The following LAMA3 variants were observed in gnomAD, a reference collection of about 807,000 sequenced individuals.
LAMA3 encodes the protein laminin subunit alpha-3.
LAMA3 carries 281 observed loss-of-function variants against 402.0 expected under a neutral mutation model. That is an observed-to-expected ratio of 0.70 (90% CI 0.63 to 0.77). The LOEUF is 0.77. LAMA3 is among the 30% of genes least tolerant of loss of function. LAMA3 has a pLI of 0.00. For missense variants in LAMA3, 3,840 were observed against 4,215.5 expected, an observed-to-expected ratio of 0.91 and a Z score of 2.47; for synonymous variants, 1,431 against 1,558.4, an observed-to-expected ratio of 0.92 and a Z score of 1.93.
Position 23,901,130 on chromosome 18 carries a change from T to G in LAMA3, c.6008T>G (p.Leu2003Arg). Residue 2003 changes from leucine (L) to arginine (R), a missense_variant, in exon 48 of 75, where the codon CTG (leucine) becomes CGG (arginine). This residue lies in a region of LAMA3 where 891 missense variants were observed against 857.5 expected (regional missense o/e 1.04). Transcript: ENST00000313654. ...EADKRESQLL[L>R]NRIRTWQKTH... ...AACATGAGGTGATGTATTACAGTGC[T>G]GAACCGGATAAGGACCTGGCAGAAA... The G allele has an allele frequency of 2.5e-6, 4 of 1,613,922 alleles. No individual in the cohort carries two copies. The highest frequency in any genetic ancestry group is 3.4e-6 in the Non-Finnish European group (4 of 1,179,808).
At chr18:23,937,360 C>A (rs2082343447) in intron 67 of LAMA3, among the ~76,000 whole-genome samples, 1 of 129,268 alleles carries the variant, frequency 7.7e-6, no homozygotes, top group Non-Finnish European at 1.6e-5. Flanking sequence ...AGTGAGACTC[C>A]TTCTCAAAAG....
intron 30 of LAMA3, 104 bp from the exon 31 acceptor site, chr18:23,846,193 G>A (rs910872849): frequency 4.9e-5 from 56 of 1,139,746 alleles, no homozygotes; most frequent in Middle Eastern, 3.9e-4. Context: ...CCATGAGCCC[G>A]TCCCACAGAT....
intron 35 of LAMA3, 137 bp from the exon 36 acceptor site, chr18:23,864,648 T>G (rs2064307714): frequency 1.4e-6 from 1 of 695,180 alleles, no homozygotes; most frequent in Non-Finnish European, 2.6e-6. Context: ...CAACCCCACC[T>G]CCTAGATACA....
At chr18:23,863,800 C>T (rs752462980) in intron 35 of LAMA3, among the ~76,000 whole-genome samples, 11 of 152,178 alleles carry the variant, frequency 7.2e-5, no homozygotes, top group Non-Finnish European at 1.0e-4. Context: ...TCTGTCACTT[C>T]TTCCTTCTTG....
At chr18:23,827,547 C>T in intron 23 of LAMA3, 80 bp downstream of exon 23, 1 of 1,472,570 alleles carries the variant, frequency 6.8e-7, no homozygotes, top group Non-Finnish European at 9.3e-7. Context: ...GCCACAGTTG[C>T]TTCTCAAATT....
At chr18:23,734,506 C>T (rs1313716086) in intron 2 of LAMA3, among the ~76,000 whole-genome samples, 1 of 152,190 alleles carries the variant, frequency 6.6e-6, no homozygotes, top group Non-Finnish European at 1.5e-5. Context: ...GCTAACTTAC[C>T]ATGATAGACA....
At chr18:23,863,115 T>A (rs2064266410) in intron 35 of LAMA3, among the ~76,000 whole-genome samples, 1 of 152,186 alleles carries the variant, frequency 6.6e-6, no homozygotes, top group South Asian at 2.1e-4. Context: ...TCTCCTTTAT[T>A]CTATTCATTA....
At chr18:23,846,152 G>A (rs1282322801) in intron 30 of LAMA3, 145 bp from the exon 31 acceptor site, 1 of 843,536 alleles carries the variant, frequency 1.2e-6, no homozygotes, top group African/African-American at 1.7e-5. Context: ...GTCTGAGGTG[G>A]GGTATTTCCC....
At chr18:23,719,832 G>A (rs981891230) in intron 2 of LAMA3, among the ~76,000 whole-genome samples, 3 of 152,116 alleles carry the variant, frequency 2.0e-5, no homozygotes, top group African/African-American at 7.2e-5. Context: ...CTCTACAGAT[G>A]GTTGGCTGAT....
chr18:23,868,983 T>C (rs2064436048), intron 37 of LAMA3, among the ~76,000 whole-genome samples: 1 of 152,194 alleles, frequency 6.6e-6, no homozygotes, highest in African/African-American at 2.4e-5. Flanking sequence ...GAATACTATC[T>C]GGCAATAAAA....
At chr18:23,828,397 A>C (rs979077818) in intron 23 of LAMA3, among the ~76,000 whole-genome samples, 3 of 152,210 alleles carry the variant, frequency 2.0e-5, no homozygotes, top group African/African-American at 7.2e-5. Flanking sequence ...CAAGTAAAAC[A>C]ATATAGATAT....
At position 23,847,765 on chromosome 18, in the gene LAMA3, C is replaced by CA. The variant is rs2063852580; in HGVS notation, c.4136+97_4136+98insA. 8 of 1,268,274 alleles carry CA rather than the reference C, an allele frequency of 6.3e-6. No homozygotes were observed. In the Admixed American group the frequency reaches 1.6e-4, roughly 25 times the overall value. The allele number at this position is 1,268,274 out of a possible 1,614,324, so 78.6% of individuals were successfully genotyped here. On this transcript the variant is annotated intron_variant, in intron 32 of 74. Transcript: ENST00000313654. ...TCGTCACTTTCCACTTCCCACCTGT[C>CA]CAGGGGTGCCCTGTGTTGACCTCGG...
chr18:23,869,240 T>G (rs1009119969), intron 37 of LAMA3, among the ~76,000 whole-genome samples: 2 of 152,226 alleles, frequency 1.3e-5, no homozygotes, highest in Admixed American at 6.5e-5. Context: ...AGATGCAATT[T>G]ATATGATAGT....
rs185962872 is a variant in LAMA3, at chr18:23,789,578, T to C, written c.1603+5421T>C. Reference sequence around the variant, plus strand: ...AGAAGTCAGTCACAAAAGTCACATATTGTGTGATTCATTTATATGAAATGT... The same window carrying C: ...AGAAGTCAGTCACAAAAGTCACATACTGTGTGATTCATTTATATGAAATGT... On this transcript the variant is annotated intron_variant, in intron 12 of 74. Transcript: ENST00000313654. 2.0e-3 allele frequency among the ~76,000 whole-genome samples: 308 copies of C among 152,304 alleles called. 1 individual carries two copies. The highest frequency in any genetic ancestry group is 7.2e-3 in the African/African-American group (298 of 41,560).
At chr18:23,772,520 G>A (rs544480832) in intron 8 of LAMA3, among the ~76,000 whole-genome samples, 13 of 152,330 alleles carry the variant, frequency 8.5e-5, no homozygotes, top group Non-Finnish European at 1.5e-4. Flanking sequence ...TACCCACCAT[G>A]TTTATGCATG....
chr18:23,739,093 A>T (rs2061522613), intron 2 of LAMA3, among the ~76,000 whole-genome samples: 1 of 152,172 alleles, frequency 6.6e-6, no homozygotes, highest in Admixed American at 6.5e-5. Context: ...GCACCCAGAG[A>T]GTGGCCTCCT....
chr18:23,781,455 A>G (rs933327818), intron 11 of LAMA3, among the ~76,000 whole-genome samples: 1 of 152,230 alleles, frequency 6.6e-6, no homozygotes, highest in African/African-American at 2.4e-5. Context: ...AAAAAAGCAT[A>G]CAAATGTATG....
At chr18:23,803,070 T>C (rs1029333339) in intron 12 of LAMA3, among the ~76,000 whole-genome samples, 2 of 152,208 alleles carry the variant, frequency 1.3e-5, no homozygotes, top group African/African-American at 2.4e-5. Context: ...TCAGAAGCAA[T>C]ACTATGTGGA....
chr18:23,773,951 T>G (rs1484027893), intron 9 of LAMA3, among the ~76,000 whole-genome samples: 1 of 152,204 alleles, frequency 6.6e-6, no homozygotes, highest in East Asian at 1.9e-4. Flanking sequence ...CTGGAGGCAG[T>G]GGCTCAGGCC....
Sources: allele counts gnomAD v4.1 joint callset (sites outside exome capture counted in the v4.1 genomes callset), GRCh38; gene constraint gnomAD v4.1.1; regional missense constraint gnomAD v4.1.1; transcripts MANE v1.5; gene names NCBI Gene and HGNC (gene_info 2026-07-23, HGNC 2026-07-21).